The following SRPK1 variants were observed in gnomAD, a reference collection of about 807,000 sequenced individuals.
SRPK1 encodes SRSF protein kinase 1.
SRPK1 carries 52 observed loss-of-function variants against 89.5 expected under a neutral mutation model. The observed-to-expected ratio is 0.58, with a 90% confidence interval of 0.46 to 0.73. The LOEUF is 0.73. Ranked by LOEUF, SRPK1 falls within the 30% of genes least tolerant of loss-of-function variation. The pLI is 0.00. For missense variants in SRPK1, 603 were observed against 780.6 expected, an observed-to-expected ratio of 0.77 and a Z score of 2.71; for synonymous variants, 255 against 270.2, an observed-to-expected ratio of 0.94 and a Z score of 0.55.
At chr6:35,877,618 G>A (rs1167236763) in intron 6 of SRPK1, among the ~76,000 whole-genome samples, 1 of 152,006 alleles carries the variant, frequency 6.6e-6, no homozygotes, top group Non-Finnish European at 1.5e-5. Context: ...CGAGGTGGGC[G>A]GATCACGAGG....
At chr6:35,913,351 T>A (rs1242478156) in intron 2 of SRPK1, among the ~76,000 whole-genome samples, 1 of 152,140 alleles carries the variant, frequency 6.6e-6, no homozygotes, top group Non-Finnish European at 1.5e-5. Context: ...ATGCAAATTT[T>A]AAAAAAGATA....
At chr6:35,864,496 A>G (rs1415502185) in intron 12 of SRPK1, among the ~76,000 whole-genome samples, 1 of 152,184 alleles carries the variant, frequency 6.6e-6, no homozygotes, top group Non-Finnish European at 1.5e-5. Flanking sequence ...AAGCTACAAG[A>G]GCATCTCACC....
At chr6:35,882,118 CTAGTAGTAGTAGTAGTAGTAGTAGTAG>C (rs59881690) in intron 6 of SRPK1, among the ~76,000 whole-genome samples, 1 of 140,180 alleles carries the variant, frequency 7.1e-6, no homozygotes, top group Admixed American at 7.3e-5. Context: ...AGTAGTAGTA[CTAGTAGTAGTAGTAGTAGTAGTAGTAG>C]TAGTAGTAGT....
At chr6:35,867,708 T>G (rs1365145002) in intron 12 of SRPK1, among the ~76,000 whole-genome samples, 1 of 151,992 alleles carries the variant, frequency 6.6e-6, no homozygotes, top group Non-Finnish European at 1.5e-5. Flanking sequence ...TCACAGCTAC[T>G]TGGGAGGCTG....
rs878886575 is a variant in SRPK1, at chr6:35,870,150, G to A, written c.991+131C>T. On this transcript the variant is annotated intron_variant, in intron 10 of 15. Coordinates refer to ENST00000373825, the MANE Select transcript of SRPK1 (RefSeq NM_003137.5). ...TAAATATTACCTGCCTAACATTTAT[G>A]ACAAGATCCATATTCTTATAAAGAT... The A allele has an allele frequency of 1.3e-5, 12 of 893,434 alleles. 2 individuals carry two copies. The Admixed American group carries it at 3.8e-4, about 29-fold the overall frequency. The allele number at this position is 893,434 out of a possible 1,614,324, so 55.3% of individuals were successfully genotyped here.
At chr6:35,875,973 T>C (rs553847150) in intron 6 of SRPK1, among the ~76,000 whole-genome samples, 1 of 149,888 alleles carries the variant, frequency 6.7e-6, no homozygotes, top group African/African-American at 2.5e-5. Context: ...TCTAATGCAA[T>C]AATCCATGTA....
intron 12 of SRPK1, among the ~76,000 whole-genome samples, chr6:35,867,850 C>T (rs1769939617): frequency 6.6e-6 from 1 of 152,136 alleles, no homozygotes; most frequent in Admixed American, 6.6e-5. Context: ...TTATTAGATA[C>T]ACAGTAAAAA....
At chr6:35,873,614 C>T (rs1462504467) in intron 7 of SRPK1, among the ~76,000 whole-genome samples, 1 of 151,342 alleles carries the variant, frequency 6.6e-6, no homozygotes, top group Admixed American at 6.6e-5. Flanking sequence ...CTCAGCCTGC[C>T]GAGTAGCTGG....
chr6:35,920,925 G>A, intron 1 of SRPK1, 119 bp downstream of exon 1: 2 of 1,202,958 alleles, frequency 1.7e-6, no homozygotes, highest in Admixed American at 5.0e-5. Flanking sequence ...CCACCTCAGT[G>A]GAGGGGCGCC....
At chr6:35,917,818 C>A (rs1771144655) in intron 2 of SRPK1, among the ~76,000 whole-genome samples, 1 of 152,168 alleles carries the variant, frequency 6.6e-6, no homozygotes, top group African/African-American at 2.4e-5. Context: ...TCTTTAGGTC[C>A]TGATCAGTTT....
chr6:35,896,002 C>T (rs960000589), intron 2 of SRPK1, among the ~76,000 whole-genome samples: 1 of 152,220 alleles, frequency 6.6e-6, no homozygotes, highest in African/African-American at 2.4e-5. Flanking sequence ...CTATTCATCT[C>T]TATCCTTTGT....
rs138729633 is a variant in SRPK1, at chr6:35,877,143, G to A, written c.479-2804C>T. ...GAACAGTGCCTGTTCCCAGCAAAGAGACTAGAAAAATTTAGTCACAGGGTA... is the reference window on the plus strand; with the variant it reads ...GAACAGTGCCTGTTCCCAGCAAAGAAACTAGAAAAATTTAGTCACAGGGTA... On this transcript the variant is annotated intron_variant, in intron 6 of 15. Transcript: ENST00000373825. Among the ~76,000 whole-genome samples the A allele has an allele frequency of 6.0e-3, 917 of 152,330 alleles. 2 individuals are homozygous for A. Among genetic ancestry groups the A allele is most frequent in the Middle Eastern group, 0.027 (8 of 294 alleles).
chr6:35,915,211 G>A (rs778904005), intron 2 of SRPK1, among the ~76,000 whole-genome samples: 10 of 151,992 alleles, frequency 6.6e-5, no homozygotes, highest in African/African-American at 1.4e-4. Context: ...AGACCATCTC[G>A]GCTAACACAG....
intron 8 of SRPK1, among the ~76,000 whole-genome samples, chr6:35,872,178 C>T (rs1770048220): frequency 6.6e-6 from 1 of 152,206 alleles, no homozygotes; most frequent in African/African-American, 2.4e-5. Flanking sequence ...AGCCCAAATT[C>T]AAACCAAGTC....
chr6:35,892,104 G>A (rs1770529570), intron 2 of SRPK1, among the ~76,000 whole-genome samples: 2 of 152,156 alleles, frequency 1.3e-5, no homozygotes, highest in South Asian at 4.1e-4. Flanking sequence ...GTTGTACTAA[G>A]TTACATCCCC....
chr6:35,842,538 C>T lies in SRPK1; in HGVS notation c.1687G>A (p.Glu563Lys). The change falls in exon 14 of 16, where the codon GAA (glutamate) becomes AAA (lysine). Residue 563 changes from glutamate to lysine, a missense_variant. Transcript: ENST00000373825. ...PHSGEEYTRD[E>K]DHIALIIELL... ...ATCCATGGTTAAGGGGACTCACCTT[C>T]ATCTCGAGTGTACTCTTCCCCTGAA... is the stretch of plus-strand genomic sequence containing the variant. 1 of 1,611,158 alleles carries T rather than the reference C, an allele frequency of 6.2e-7. No individual in the cohort carries two copies. Among genetic ancestry groups the T allele is most frequent in the Non-Finnish European group, 8.5e-7 (1 of 1,178,660 alleles).
chr6:35,870,227 T>A (rs1447716495), intron 10 of SRPK1, 54 bp downstream of exon 10: 2 of 1,493,250 alleles, frequency 1.3e-6, no homozygotes, highest in African/African-American at 1.4e-5. Flanking sequence ...ATAGCAATGA[T>A]AAATTAACGT....
At chr6:35,900,018 A>T (rs1292022242) in intron 2 of SRPK1, among the ~76,000 whole-genome samples, 1 of 151,158 alleles carries the variant, frequency 6.6e-6, no homozygotes, top group Admixed American at 6.6e-5. Flanking sequence ...AAATAATAAT[A>T]ATAAAAAAAT....
intron 12 of SRPK1, 150 bp downstream of exon 12, chr6:35,868,860 A>G: frequency 3.2e-6 from 2 of 616,174 alleles, no homozygotes; most frequent in Non-Finnish European, 5.5e-6. Context: ...ACTTTTCCAT[A>G]GTAAAAGGTT....
Sources: gnomAD v4.1 joint callset for allele counts (sites outside exome capture counted in the v4.1 genomes callset) on GRCh38, gnomAD v4.1.1 for gene constraint, MANE v1.5 for transcripts, NCBI Gene and HGNC (gene_info 2026-07-23, HGNC 2026-07-21) for gene names.